The following TMC5 variants were observed in gnomAD, a reference collection of about 807,000 sequenced individuals.
TMC5 encodes the protein transmembrane channel like 5.
TMC5 carries 86 observed loss-of-function variants against 110.5 expected under a neutral mutation model. The ratio of observed to expected loss-of-function variants is 0.78; its 90% CI spans 0.65 to 0.93. TMC5 has a LOEUF of 0.93. Among genes scored for constraint, TMC5 ranks in the 40% least tolerant of loss-of-function variants. The pLI, the probability that TMC5 is intolerant of heterozygous loss-of-function variation, is 0.00. For missense variants in TMC5, 1,144 were observed against 1,222.8 expected (o/e 0.94, Z 0.96); for synonymous variants, 455 against 439.5 (o/e 1.04, Z -0.44).
chr16:19,449,466 C>A, intron 4 of TMC5, 76 bp from the exon 5 acceptor site: 1 of 1,232,890 alleles, frequency 8.1e-7, no homozygotes, highest in Non-Finnish European at 1.2e-6. Context: ...ACTATTAGCA[C>A]ATCATAACTA....
chr16:19,440,701 G>C lies in TMC5; in HGVS notation c.663G>C (p.Gly221=), dbSNP rs779374073. 1 of 1,613,954 alleles carries C rather than the reference G, an allele frequency of 6.2e-7. No homozygotes were observed. Among genetic ancestry groups the C allele is most frequent in the Non-Finnish European group, 8.5e-7 (1 of 1,180,008 alleles). The change falls in exon 3 of 22, where the codon GGG becomes GGC. Residue 221 remains glycine (G), a synonymous_variant. Coordinates refer to ENST00000542583, the MANE Select transcript of TMC5 (RefSeq NM_001261841.2). ...AACCTAACTCTCCACCCTTTTTTGGGGAGCCAGACTATCCCAGTGCTGAGG... is the reference window on the plus strand; with the variant it reads ...AACCTAACTCTCCACCCTTTTTTGGCGAGCCAGACTATCCCAGTGCTGAGG... ...DIQPNSPPFF[G]EPDYPSAEDN...
intron 15 of TMC5, among the ~76,000 whole-genome samples, chr16:19,482,762 G>A (rs547267337): frequency 5.3e-5 from 8 of 152,206 alleles, no homozygotes; most frequent in East Asian, 3.9e-4. Flanking sequence ...GAAACTCTGC[G>A]TGCATTGAGA....
At chr16:19,477,752 G>A (rs1275836242) in intron 13 of TMC5, among the ~76,000 whole-genome samples, 15 of 152,178 alleles carry the variant, frequency 9.9e-5, no homozygotes, top group East Asian at 3.8e-4. Flanking sequence ...GTCATCTTCC[G>A]AGTCACTTAA....
At chr16:19,462,035 A>T (rs1968036711) in intron 6 of TMC5, among the ~76,000 whole-genome samples, 1 of 152,164 alleles carries the variant, frequency 6.6e-6, no homozygotes, top group Non-Finnish European at 1.5e-5. Context: ...TTCGAGGTGG[A>T]CCAAAGAAAG....
chr16:19,428,789 A>G (rs966378446), intron 1 of TMC5, among the ~76,000 whole-genome samples: 11 of 152,060 alleles, frequency 7.2e-5, no homozygotes, highest in Admixed American at 2.0e-4. Context: ...CAAGAGGATG[A>G]CTATTTTGCT....
At chr16:19,448,113 G>A (rs556636467) in intron 4 of TMC5, among the ~76,000 whole-genome samples, 1 of 146,588 alleles carries the variant, frequency 6.8e-6, no homozygotes, top group South Asian at 2.2e-4. Context: ...CCGAGATTGC[G>A]TCACTGCACT....
intron 14 of TMC5, among the ~76,000 whole-genome samples, chr16:19,479,944 AAAAG>A (rs1056476254): frequency 2.6e-5 from 4 of 151,960 alleles, no homozygotes; most frequent in Admixed American, 6.6e-5. Context: ...AAAAAAAAAA[AAAAG>A]AAGAAGAAGA....
intron 2 of TMC5, among the ~76,000 whole-genome samples, chr16:19,437,145 A>G (rs1186749810): frequency 6.6e-6 from 1 of 152,160 alleles, no homozygotes. Flanking sequence ...ACTGCACTCT[A>G]GCCTGGACGG....
At chr16:19,443,936 G>C in intron 3 of TMC5, 145 bp from the exon 4 acceptor site, 1 of 684,956 alleles carries the variant, frequency 1.5e-6, no homozygotes, top group South Asian at 2.1e-5. Flanking sequence ...TGGATACATG[G>C]ATGGATGGAT....
intron 1 of TMC5, among the ~76,000 whole-genome samples, chr16:19,418,509 G>T (rs1966906789): frequency 6.6e-6 from 1 of 152,032 alleles, no homozygotes; most frequent in African/African-American, 2.4e-5. Flanking sequence ...TCTATGTCTG[G>T]GGGTGTCTCC....
chr16:19,450,678 C>A (rs749137467), intron 5 of TMC5, among the ~76,000 whole-genome samples: 3 of 152,122 alleles, frequency 2.0e-5, no homozygotes, highest in African/African-American at 7.2e-5. Context: ...ATCTCTAATG[C>A]GGGGGAAGGA....
intron 2 of TMC5, among the ~76,000 whole-genome samples, chr16:19,438,657 G>A (rs1967411619): frequency 6.6e-6 from 1 of 152,118 alleles, no homozygotes; most frequent in African/African-American, 2.4e-5. Context: ...TGAGGCAGGA[G>A]AATTGCTTGA....
At chr16:19,433,261 C>T (rs1320637930) in intron 2 of TMC5, among the ~76,000 whole-genome samples, 1 of 152,200 alleles carries the variant, frequency 6.6e-6, no homozygotes, top group Non-Finnish European at 1.5e-5. Flanking sequence ...TGCAGGAACC[C>T]GGGCTGGTGA....
At chr16:19,414,909 T>A (rs1338225663), upstream of TMC5, among the ~76,000 whole-genome samples, 2 of 151,966 alleles carry the variant, frequency 1.3e-5, no homozygotes, top group Non-Finnish European at 2.9e-5. Context: ...GTGGGCATAG[T>A]GGTGAGTTCC....
Position 19,465,548 on chromosome 16 carries a change from T to TA in TMC5, c.1486-531dup, listed in dbSNP as rs1968166594. ...CATCTCAAAAAAATAAATAAATAAA[T>TA]AAATAATCTCCCCAGCCCAGCCCCT... is the stretch of plus-strand genomic sequence containing the variant. On this transcript the variant is annotated intron_variant, in intron 8 of 21. Transcript: ENST00000542583. 4.6e-5 allele frequency among the ~76,000 whole-genome samples: 7 copies of TA among 151,856 alleles called. No homozygotes were observed. The South Asian group carries it at 1.3e-3, about 27-fold the overall frequency.
intron 2 of TMC5, among the ~76,000 whole-genome samples, chr16:19,431,302 A>G (rs1008824616): frequency 6.6e-6 from 1 of 152,124 alleles, no homozygotes; most frequent in Non-Finnish European, 1.5e-5. Context: ...GCACTTTGGG[A>G]GGCCAAGGTG....
At chr16:19,490,796 CCCCT>C (rs1968875943) in intron 18 of TMC5, among the ~76,000 whole-genome samples, 1 of 138,312 alleles carries the variant, frequency 7.2e-6, no homozygotes, top group Non-Finnish European at 1.5e-5. Flanking sequence ...CTCTTCCCTT[CCCCT>C]CCCTCCCTCT....
upstream of TMC5, chr16:19,417,693 C>T (rs1381428430): frequency 3.3e-5 from 5 of 152,076 alleles, no homozygotes; most frequent in African/African-American, 1.2e-4. Context: ...GAAGGAAATG[C>T]ACAACTTGGG....
chr16:19,465,047 CTTTCTTTCTT>C, intron 8 of TMC5, among the ~76,000 whole-genome samples: 5 of 101,660 alleles, frequency 4.9e-5, no homozygotes, highest in African/African-American at 2.6e-4. Context: ...TTCTTTCTTT[CTTTCTTTCTT>C]TTCCTTCCTT....
Sources: allele counts gnomAD v4.1 joint callset (sites outside exome capture counted in the v4.1 genomes callset), GRCh38; gene constraint gnomAD v4.1.1; transcripts MANE v1.5; gene names NCBI Gene and HGNC (gene_info 2026-07-23, HGNC 2026-07-21).